GLRX2: variants seen among roughly 807,000 people sequenced by gnomAD.
GLRX2 encodes bA101E13.1 (GRX2 glutaredoxin (thioltransferase) 2).
GLRX2 carries 12 observed loss-of-function variants against 16.4 expected under a neutral mutation model. The observed-to-expected ratio is 0.73, with a 90% CI of 0.47 to 1.19. The LOEUF is 1.19. GLRX2 is among the 50% of genes most tolerant of loss of function. The pLI, the probability that GLRX2 is intolerant of heterozygous loss-of-function variation, is 0.00. For missense variants in GLRX2, 201 were observed against 201.8 expected, an observed-to-expected ratio of 1.00 and a Z score of 0.02; for synonymous variants, 95 against 76.2, an observed-to-expected ratio of 1.25 and a Z score of -1.28.
chr1:193,098,708 C>T (rs1027524339), intron 2 of GLRX2, among the ~76,000 whole-genome samples: 1 of 152,034 alleles, frequency 6.6e-6, no homozygotes. Flanking sequence ...CCTGCCACCA[C>T]GGCCAGTTAA....
At chr1:193,105,735 G>A, upstream of GLRX2, 1 of 1,420,292 alleles carries the variant, frequency 7.0e-7, no homozygotes, top group East Asian at 2.7e-5. Context: ...AGACATGCTG[G>A]GGAAACGGAG....
chr1:193,105,303 G>T lies in GLRX2; in HGVS notation c.80C>A (p.Ala27Glu). 1 of 1,531,642 alleles carries T rather than the reference G, an allele frequency of 6.5e-7. No homozygotes were observed. Among genetic ancestry groups the T allele is most frequent in the Non-Finnish European group, 8.7e-7 (1 of 1,148,500 alleles). 94.9% of individuals were successfully genotyped at this position (1,531,642 alleles called of 1,614,324 possible). The change falls in exon 1 of 4, where the codon GCG becomes GAG. Residue 27 changes from alanine to glutamate, a missense_variant. Ala to Glu is a moderately radical substitution (Grantham distance 107). Transcript: ENST00000367439. ...RSGSAGWLDR[A>E]AGAAGAAAAA... The stretch of plus-strand genomic sequence containing the variant: ...TGCCGCAGCTCCCGCAGCTCCCGCC[G>T]CCCTGTCAAGCCAGCCTGCCGAGCC...
At chr1:193,105,211 C>G in intron 1 of GLRX2, 53 bp downstream of exon 1, 1 of 1,510,630 alleles carries the variant, frequency 6.6e-7, no homozygotes, top group Non-Finnish European at 8.8e-7. Context: ...TTCTCCAGAC[C>G]CCCGCAAGGC....
In GLRX2 at chr1:193,096,655, TA is replaced by T; in HGVS notation, c.464del (p.Leu155Ter). 1 of 1,593,850 alleles carries T rather than the reference TA, an allele frequency of 6.3e-7. No homozygotes were observed. Among genetic ancestry groups the T allele is most frequent in the South Asian group, 1.1e-5 (1 of 90,042 alleles). On this transcript the variant is annotated frameshift_variant, in exon 4 of 4. Transcript: ENST00000367439. LOFTEE classifies it high-confidence loss of function. ...GAAATTCTTTCCTCTTACTTTTTTTTAAATAACACTGATGAACTAGTGGGAG... is the reference window on the plus strand; with the variant it reads ...GAAATTCTTTCCTCTTACTTTTTTTTAATAACACTGATGAACTAGTGGGAG... ...KLLPLVHQCYLKKSKRKEFQ is the reference protein window; with the variant it reads ...KLLPLVHQCYXKKSKRKEFQ
chr1:193,097,082 T>C lies in GLRX2; in HGVS notation c.361-323A>G, dbSNP rs34721216. Among the ~76,000 whole-genome samples the C allele has an allele frequency of 1.4e-4, 21 of 152,350 alleles. No individual in the cohort carries two copies. The East Asian group carries it at 3.5e-3, about 25-fold the overall frequency. ...TAAATAAACTAAAGCAGATAAACAG[T>C]AATATTTAGTTATTTCTTACATTTG... On this transcript the variant is annotated intron_variant, in intron 3 of 3. Coordinates refer to ENST00000367439, the MANE Select transcript of GLRX2 (RefSeq NM_197962.3).
chr1:193,099,085 C>T (rs769515202), intron 2 of GLRX2, among the ~76,000 whole-genome samples: 11 of 152,104 alleles, frequency 7.2e-5, no homozygotes, highest in Admixed American at 2.0e-4. Flanking sequence ...TCCAGAAATG[C>T]TGATTCAATG....
upstream of GLRX2, chr1:193,105,456 G>GGCCCCCGCCTTGCCCC: frequency 6.9e-7 from 1 of 1,445,316 alleles, no homozygotes; most frequent in Non-Finnish European, 9.0e-7. Context: ...CCTCCGGCCC[G>GGCCCCCGCCTTGCCCC]GCCCCCGCCT....
At chr1:193,096,786 G>A (rs1674968359) in intron 3 of GLRX2, 27 bp from the exon 4 acceptor site, 12 of 1,573,530 alleles carry the variant, frequency 7.6e-6, no homozygotes, top group Non-Finnish European at 9.5e-6. Context: ...AGAAGAATTA[G>A]GCTTTACTCT....
At chr1:193,097,977 A>G (rs1296488878) in intron 2 of GLRX2, among the ~76,000 whole-genome samples, 1 of 152,194 alleles carries the variant, frequency 6.6e-6, no homozygotes, top group Non-Finnish European at 1.5e-5. Flanking sequence ...GCATAGAGCA[A>G]TAACAATAAA....
chr1:193,105,752 A>C, upstream of GLRX2: 2 of 1,398,576 alleles, frequency 1.4e-6, no homozygotes, highest in Non-Finnish European at 1.9e-6. Context: ...GGAGGAGAAA[A>C]AACATGACCA....
chr1:193,101,053 T>C (rs886820812), intron 2 of GLRX2, 88 bp downstream of exon 2: 1 of 821,114 alleles, frequency 1.2e-6, no homozygotes, highest in African/African-American at 1.7e-5. Flanking sequence ...TATCTCAAGT[T>C]TGGATATTGA....
chr1:193,102,374 T>C (rs1675097165), intron 1 of GLRX2, among the ~76,000 whole-genome samples: 1 of 152,144 alleles, frequency 6.6e-6, no homozygotes, highest in Non-Finnish European at 1.5e-5. Context: ...CTTTTTGAGA[T>C]GGAGTCTTGC....
chr1:193,097,828 A>C (rs1374728713), intron 2 of GLRX2, 68 bp from the exon 3 acceptor site: 3 of 1,148,860 alleles, frequency 2.6e-6, no homozygotes, highest in Non-Finnish European at 3.6e-6. Context: ...TTAAGATATA[A>C]TGGAAAGGGT....
intron 2 of GLRX2, among the ~76,000 whole-genome samples, chr1:193,100,333 G>A (rs541686309): frequency 7.5e-4 from 114 of 152,230 alleles, no homozygotes; most frequent in Admixed American, 1.8e-3. Context: ...AATAAGTTGT[G>A]TGTGGTGGTG....
chr1:193,103,894 G>T (rs1238887066), intron 1 of GLRX2, among the ~76,000 whole-genome samples: 1 of 152,192 alleles, frequency 6.6e-6, no homozygotes, highest in African/African-American at 2.4e-5. Flanking sequence ...CCTGAGAGGA[G>T]GGTGAAGCTT....
In GLRX2 at chr1:193,105,395, G is replaced by C. The variant is rs754959187; in HGVS notation, c.-13C>G. ...GGCGCCAAATCATGGTCAGAGCCCG[G>C]ATCTGCAGCGAGCTCTACTGCCGGA... On this transcript the variant is annotated 5_prime_UTR_variant, in exon 1 of 4. The change creates a new upstream start codon in the 5' untranslated region. Coordinates refer to ENST00000367439, the MANE Select transcript of GLRX2 (RefSeq NM_197962.3). 6.5e-7 allele frequency: 1 copy of C among 1,526,872 alleles called. No homozygotes were observed. Among genetic ancestry groups the C allele is most frequent in the South Asian group, 1.2e-5 (1 of 82,414 alleles). 94.6% of individuals were successfully genotyped at this position (1,526,872 alleles called of 1,614,324 possible).
chr1:193,105,814 C>T, upstream of GLRX2: 3 of 1,323,948 alleles, frequency 2.3e-6, no homozygotes, highest in Non-Finnish European at 2.9e-6. Context: ...ACCTGTTACA[C>T]AAGTTTTTGT....
intron 2 of GLRX2, among the ~76,000 whole-genome samples, chr1:193,100,572 TG>T (rs1183296609): frequency 1.3e-5 from 2 of 152,224 alleles, no homozygotes; most frequent in African/African-American, 4.8e-5. Context: ...ACATTTTTTT[TG>T]TTTGTGGTAG....
At chr1:193,105,415 G>T (rs1459498265), upstream of GLRX2, 6 of 1,488,702 alleles carry the variant, frequency 4.0e-6, no homozygotes, top group Non-Finnish European at 5.3e-6. Flanking sequence ...GAGCTCTACT[G>T]CCGGACACCG....
Sources: allele counts gnomAD v4.1 joint callset (sites outside exome capture counted in the v4.1 genomes callset), GRCh38; gene constraint gnomAD v4.1.1; transcripts MANE v1.5; gene names NCBI Gene and HGNC (gene_info 2026-07-23, HGNC 2026-07-21).